KIF5C: variants seen among roughly 807,000 people sequenced by gnomAD.
The protein encoded by KIF5C is kinesin family member 5C, also known as kinesin heavy chain isoform 5C.
In KIF5C, 18 loss-of-function variants were observed where a neutral mutation model predicts 125.2. The ratio of observed to expected loss-of-function variants is 0.14; its 90% CI spans 0.10 to 0.21. KIF5C has a LOEUF of 0.21. Among genes scored for constraint, KIF5C ranks in the 10% least tolerant of loss-of-function variants. The pLI is 1.00. For missense variants in KIF5C, 780 were observed against 1,183.8 expected, an observed-to-expected ratio of 0.66 and a Z score of 5.01; for synonymous variants, 405 against 434.0, an observed-to-expected ratio of 0.93 and a Z score of 0.83.
At chr2:149,014,561 T>G (rs1012397686) in intron 25 of KIF5C, among the ~76,000 whole-genome samples, 35 of 152,232 alleles carry the variant, frequency 2.3e-4, no homozygotes, top group African/African-American at 7.5e-4. Context: ...GGTCTTCCAC[T>G]TCCTTCAAGT....
At chr2:149,008,563 C>T (rs369930809) in intron 23 of KIF5C, among the ~76,000 whole-genome samples, 82 of 152,324 alleles carry the variant, frequency 5.4e-4, no homozygotes, top group African/African-American at 1.9e-3. Flanking sequence ...CCATTCCTAG[C>T]GATCTCAGAT....
chr2:148,960,843 A>T (rs1407991717), intron 10 of KIF5C, among the ~76,000 whole-genome samples: 2 of 152,266 alleles, frequency 1.3e-5, no homozygotes, highest in African/African-American at 4.8e-5. Context: ...GAAAAAGTCA[A>T]TAGCAAATAA....
intron 15 of KIF5C, among the ~76,000 whole-genome samples, chr2:148,989,364 A>G (rs1432686165): frequency 3.3e-5 from 5 of 151,284 alleles, no homozygotes; most frequent in Non-Finnish European, 5.9e-5. Flanking sequence ...ACACACACAC[A>G]CACACCACAT....
intron 3 of KIF5C, among the ~76,000 whole-genome samples, chr2:148,934,832 C>T (rs975325651): frequency 5.3e-5 from 8 of 151,872 alleles, no homozygotes; most frequent in African/African-American, 1.2e-4. Context: ...ACACCCCACA[C>T]GTATATCACA....
At chr2:148,987,118 G>T (rs1446899646) in intron 15 of KIF5C, among the ~76,000 whole-genome samples, 1 of 152,194 alleles carries the variant, frequency 6.6e-6, no homozygotes, top group African/African-American at 2.4e-5. Flanking sequence ...GAAGCACTTT[G>T]AGGATGGGAA....
At chr2:148,898,988 G>A (rs535094533) in intron 1 of KIF5C, among the ~76,000 whole-genome samples, 10 of 151,918 alleles carry the variant, frequency 6.6e-5, no homozygotes, top group Non-Finnish European at 1.2e-4. Flanking sequence ...TATTTTGAAG[G>A]GTTTATGTTC....
intron 1 of KIF5C, among the ~76,000 whole-genome samples, chr2:148,895,273 G>A (rs569773798): frequency 6.6e-6 from 1 of 152,188 alleles, no homozygotes; most frequent in African/African-American, 2.4e-5. Context: ...GAGTAGCTGG[G>A]ATTACAGGTG....
At chr2:148,920,230 T>C (rs1350073922) in intron 1 of KIF5C, among the ~76,000 whole-genome samples, 1 of 152,234 alleles carries the variant, frequency 6.6e-6, no homozygotes, top group East Asian at 1.9e-4. Context: ...TCATTGTTTG[T>C]ATAAATAGGG....
In KIF5C at chr2:148,948,533, A is replaced by G. The variant is rs945338980; in HGVS notation, c.715-1306A>G. ...CTGCACAGTGTCAGTGGTTATTGCT[A>G]ATGATATTTATGAGGTGTTTGAAAT... On this transcript the variant is annotated intron_variant, in intron 8 of 25. Coordinates refer to ENST00000435030, the MANE Select transcript of KIF5C (RefSeq NM_004522.3). 7.2e-5 allele frequency among the ~76,000 whole-genome samples: 11 copies of G among 152,178 alleles called. No individual in the cohort carries two copies. In the East Asian group the frequency reaches 1.5e-3, roughly 21 times the overall value.
intron 1 of KIF5C, among the ~76,000 whole-genome samples, chr2:148,918,511 C>T (rs2105077251): frequency 6.6e-6 from 1 of 152,070 alleles, no homozygotes; most frequent in Admixed American, 6.5e-5. Context: ...GCTCCTAGGA[C>T]CATGAAAACT....
rs1485505138 is a variant in KIF5C, at chr2:148,997,037, T to A, written c.2024-227T>A. ...GAGCATTGTCCCCCAGTAAGCATTGTCCCCTGCAGTTGTCGCGCTCCCCCG... is the reference window on the plus strand; with the variant it reads ...GAGCATTGTCCCCCAGTAAGCATTGACCCCTGCAGTTGTCGCGCTCCCCCG... On this transcript the variant is annotated intron_variant, in intron 17 of 25. Transcript: ENST00000435030. Among the ~76,000 whole-genome samples, 5 of 152,278 alleles carry A rather than the reference T, an allele frequency of 3.3e-5. No homozygotes were observed. The East Asian group carries it at 9.7e-4, about 30-fold the overall frequency.
At chr2:148,910,461 A>T (rs1026015801) in intron 1 of KIF5C, among the ~76,000 whole-genome samples, 1 of 152,200 alleles carries the variant, frequency 6.6e-6, no homozygotes, top group Non-Finnish European at 1.5e-5. Context: ...TCTAGCATAC[A>T]AGAGTCAGTC....
In KIF5C at chr2:149,024,994, T is replaced by C. The variant is rs1367254895; in HGVS notation, c.*1924T>C. 1 of 152,244 alleles carries C rather than the reference T, an allele frequency of 6.6e-6. No homozygotes were observed. The allele number at this position is 152,244 out of a possible 1,614,324, so 9.4% of individuals were successfully genotyped here. The stretch of plus-strand genomic sequence containing the variant: ...GCCAATTATTAATTGTCATTACCAC[T>C]ACTCTCCATTACTTTTTGTTTGGAA... On this transcript the variant is annotated 3_prime_UTR_variant, in exon 26 of 26. Transcript: ENST00000435030.
At chr2:149,005,552 G>T (rs1681982285) in intron 22 of KIF5C, 88 bp downstream of exon 22, 1 of 1,545,408 alleles carries the variant, frequency 6.5e-7, no homozygotes, top group African/African-American at 1.4e-5. Flanking sequence ...ACTTGCTTAA[G>T]TCGGGGCTGG....
intron 9 of KIF5C, 137 bp from the exon 10 acceptor site, chr2:148,950,177 G>T: frequency 7.0e-7 from 1 of 1,422,096 alleles, no homozygotes; most frequent in Non-Finnish European, 9.3e-7. Context: ...CTAAACTTTG[G>T]CAAGATCCAA....
intron 1 of KIF5C, among the ~76,000 whole-genome samples, chr2:148,899,096 C>T (rs1171060675): frequency 6.6e-6 from 1 of 152,080 alleles, no homozygotes; most frequent in Non-Finnish European, 1.5e-5. Context: ...GTATTAGGTG[C>T]TTGCTATATA....
intron 1 of KIF5C, among the ~76,000 whole-genome samples, chr2:148,901,630 A>G (rs1053205030): frequency 6.6e-6 from 1 of 152,208 alleles, no homozygotes; most frequent in Non-Finnish European, 1.5e-5. Flanking sequence ...ATGACAGGCT[A>G]TTTATCAATT....
chr2:148,932,750 G>A (rs951132123), intron 3 of KIF5C, among the ~76,000 whole-genome samples: 16 of 152,124 alleles, frequency 1.1e-4, no homozygotes, highest in African/African-American at 1.7e-4. Flanking sequence ...CTTCCCAGCC[G>A]TCCCGCCAAG....
At chr2:148,998,772 A>T in intron 19 of KIF5C, 2 of 307,676 alleles carry the variant, frequency 6.5e-6, no homozygotes, top group Non-Finnish European at 1.2e-5. Flanking sequence ...CACATAGGTG[A>T]TTCCGCTGGA....
Sources: allele counts gnomAD v4.1 joint callset (sites outside exome capture counted in the v4.1 genomes callset), GRCh38; gene constraint gnomAD v4.1.1; transcripts MANE v1.5; gene names NCBI Gene and HGNC (gene_info 2026-07-23, HGNC 2026-07-21).